The following CADM2 variants were observed in gnomAD, a reference collection of about 807,000 sequenced individuals.
CADM2 encodes immunoglobulin superfamily member 4D.
A neutral mutation model predicts 49.8 loss-of-function variants in CADM2; 12 were observed. The ratio of observed to expected loss-of-function variants is 0.24; its 90% CI spans 0.15 to 0.39. The LOEUF is 0.39. Among genes scored for constraint, CADM2 ranks in the 10% least tolerant of loss-of-function variants. The probability of loss-of-function intolerance (pLI) is 1.00; values close to 1 mark genes in which losing one functional copy is unlikely to be tolerated. For missense variants in CADM2, 378 were observed against 492.3 expected (o/e 0.77, Z 2.20); for synonymous variants, 214 against 175.4 (o/e 1.22, Z -1.74).
At chr3:85,231,523 T>C (rs1324799512) in intron 1 of CADM2, among the ~76,000 whole-genome samples, 4 of 151,942 alleles carry the variant, frequency 2.6e-5, no homozygotes, top group Admixed American at 6.6e-5. Flanking sequence ...ATCTAAGATA[T>C]TATAGTCAAT....
intron 8 of CADM2, among the ~76,000 whole-genome samples, chr3:85,984,257 A>G (rs1014843539): frequency 2.0e-5 from 3 of 151,028 alleles, no homozygotes; most frequent in African/African-American, 4.8e-5. Flanking sequence ...AACTTAATAT[A>G]GTCATTTATA....
intron 1 of CADM2, among the ~76,000 whole-genome samples, chr3:85,689,853 AT>A (rs1338765448): frequency 3.9e-5 from 6 of 152,236 alleles, no homozygotes; most frequent in African/African-American, 1.2e-4. Context: ...CCCAGAAGAC[AT>A]ACATGAAATA....
chr3:85,775,886 T>G (rs2107972101), intron 2 of CADM2, among the ~76,000 whole-genome samples: 1 of 152,030 alleles, frequency 6.6e-6, no homozygotes, highest in South Asian at 2.1e-4. Context: ...TTCAGTAATT[T>G]GAAAAGTAGA....
chr3:85,980,171 C>T (rs923241678), intron 8 of CADM2, among the ~76,000 whole-genome samples: 2 of 151,384 alleles, frequency 1.3e-5, no homozygotes, highest in Admixed American at 6.6e-5. Context: ...TGTTTCATGT[C>T]ACCTTGGCTC....
chr3:85,764,405 G>A (rs1173429454), intron 2 of CADM2, among the ~76,000 whole-genome samples: 2 of 152,058 alleles, frequency 1.3e-5, no homozygotes, highest in African/African-American at 4.8e-5. Flanking sequence ...ATAAGACAAT[G>A]TCATGAGTAG....
At chr3:85,448,923 G>A (rs1376401651) in intron 1 of CADM2, among the ~76,000 whole-genome samples, 2 of 151,488 alleles carry the variant, frequency 1.3e-5, no homozygotes, top group East Asian at 1.9e-4. Flanking sequence ...GGTGGTGCGC[G>A]CCTGTAATCC....
intron 1 of CADM2, among the ~76,000 whole-genome samples, chr3:84,982,491 T>A (rs1407344338): frequency 6.6e-6 from 1 of 151,526 alleles, no homozygotes; most frequent in East Asian, 1.9e-4. Context: ...CACGTTTAGG[T>A]TTTTATTGTT....
At chr3:85,640,762 A>G (rs572442079) in intron 1 of CADM2, among the ~76,000 whole-genome samples, 97 of 152,350 alleles carry the variant, frequency 6.4e-4, no homozygotes, top group African/African-American at 2.2e-3. Flanking sequence ...GGATAAATGA[A>G]TGAAAAAGTA....
At chr3:85,631,693 A>T (rs887951368) in intron 1 of CADM2, among the ~76,000 whole-genome samples, 1 of 152,308 alleles carries the variant, frequency 6.6e-6, no homozygotes, top group South Asian at 2.1e-4. Flanking sequence ...TTTAAACAAT[A>T]GAAGTCTAAG....
intron 1 of CADM2, among the ~76,000 whole-genome samples, chr3:85,447,633 G>A (rs1187301353): frequency 6.6e-6 from 1 of 152,068 alleles, no homozygotes; most frequent in Admixed American, 6.6e-5. Context: ...TTTACATTTC[G>A]CAAACATGCT....
intron 8 of CADM2, among the ~76,000 whole-genome samples, chr3:85,972,032 G>A (rs1726215310): frequency 6.6e-6 from 1 of 151,542 alleles, no homozygotes; most frequent in Admixed American, 6.6e-5. Context: ...GAAGCAGATG[G>A]GGTTACTATA....
intron 6 of CADM2, among the ~76,000 whole-genome samples, chr3:85,933,426 T>C (rs1373256971): frequency 1.3e-5 from 2 of 152,094 alleles, no homozygotes; most frequent in African/African-American, 4.8e-5. Flanking sequence ...CTTCCTTCCC[T>C]TCCTGTCTCA....
Position 86,014,823 on chromosome 3 carries a change from T to C in CADM2, c.971-50782T>C. On this transcript the variant is annotated intron_variant, in intron 8 of 9. Coordinates refer to ENST00000383699, the MANE Select transcript of CADM2 (RefSeq NM_001167675.2). ...AGATATAGAGCTTCCATCCACCATCTATGAAGCCCTCCACCTGCCTGACAT... is the reference window on the plus strand; with the variant it reads ...AGATATAGAGCTTCCATCCACCATCCATGAAGCCCTCCACCTGCCTGACAT... The C allele has an allele frequency of 2.7e-6, 4 of 1,496,228 alleles. No homozygotes were observed. The South Asian group carries it at 4.0e-5, about 15-fold the overall frequency. 92.7% of individuals were successfully genotyped at this position (1,496,228 alleles called of 1,614,324 possible).
chr3:85,102,331 G>A (rs529132147), intron 1 of CADM2, among the ~76,000 whole-genome samples: 1 of 152,258 alleles, frequency 6.6e-6, no homozygotes, highest in African/African-American at 2.4e-5. Context: ...TATTGCTGGG[G>A]AGACAAAAAT....
chr3:84,960,017 C>A, intron 1 of CADM2: 2 of 392,370 alleles, frequency 5.1e-6, no homozygotes, highest in Non-Finnish European at 9.2e-6. Flanking sequence ...TCCCGACAAC[C>A]CCCACCAGCC....
chr3:85,311,477 G>T (rs971049900), intron 1 of CADM2, among the ~76,000 whole-genome samples: 2 of 151,752 alleles, frequency 1.3e-5, no homozygotes, highest in South Asian at 2.1e-4. Flanking sequence ...CCGGGTTCAT[G>T]CCATTCTCTT....
chr3:85,667,748 C>T (rs1433998277), intron 1 of CADM2, among the ~76,000 whole-genome samples: 2 of 151,976 alleles, frequency 1.3e-5, no homozygotes, highest in African/African-American at 4.8e-5. Context: ...CAAAAGAGAC[C>T]TAAGGGAAAA....
At chr3:85,067,854 G>A (rs1170520480) in intron 1 of CADM2, among the ~76,000 whole-genome samples, 1 of 152,102 alleles carries the variant, frequency 6.6e-6, no homozygotes, top group Non-Finnish European at 1.5e-5. Context: ...AAAGGGAGAA[G>A]TGAATAAAAT....
In CADM2 at chr3:85,784,530, T is replaced by TTATCTATC. The variant is rs71112118; in HGVS notation, c.89-17474_89-17467dup. Among the ~76,000 whole-genome samples, 549 of 142,318 alleles carry TTATCTATC rather than the reference T, an allele frequency of 3.9e-3. 2 individuals are homozygous for TTATCTATC. The highest frequency in any genetic ancestry group is 0.011 in the Middle Eastern group (3 of 274). 93.4% of individuals were successfully genotyped at this position (142,318 alleles called of 152,430 possible). A position where few individuals can be genotyped will look rare whatever the true frequency, so the allele number is the denominator to read the frequency against. The stretch of plus-strand genomic sequence containing the variant: ...AAGAAAGAAAGAGATCTAAATATAT[T>TTATCTATC]TATCTATCTATCTATCTATCTATCT... On this transcript the variant is annotated intron_variant, in intron 2 of 9. Transcript: ENST00000383699.
Sources: gnomAD v4.1 joint callset for allele counts (sites outside exome capture counted in the v4.1 genomes callset) on GRCh38, gnomAD v4.1.1 for gene constraint, MANE v1.5 for transcripts, NCBI Gene and HGNC (gene_info 2026-07-23, HGNC 2026-07-21) for gene names.